Variants in TCEA2 observed in about 807,000 individuals in gnomAD.
TCEA2 encodes transcription elongation factor A2.
TCEA2 carries 21 observed loss-of-function variants against 40.8 expected under a neutral mutation model. The observed-to-expected ratio is 0.51, with a 90% CI of 0.36 to 0.74. The LOEUF (loss-of-function observed/expected upper bound fraction) is 0.74. Among genes scored for constraint, TCEA2 ranks in the 30% least tolerant of loss-of-function variants. The pLI, the probability that TCEA2 is intolerant of heterozygous loss-of-function variation, is 0.00. For missense variants in TCEA2, 326 were observed against 426.5 expected (o/e 0.76, Z 2.08); for synonymous variants, 165 against 162.7 (o/e 1.01, Z -0.11).
intron 4 of TCEA2, among the ~76,000 whole-genome samples, chr20:64,068,620 G>A (rs554419515): frequency 6.6e-6 from 1 of 152,376 alleles, no homozygotes; most frequent in South Asian, 2.1e-4. Context: ...CTGGGAGCTG[G>A]GGGTGCTTAT....
At position 64,063,287 on chromosome 20, in the gene TCEA2, G is replaced by C; in HGVS notation, c.-26G>C. ...CCGGCTGCGGAGGCGGGCGCGACGGGCGCGGGGGTCGCTGCTCCTGAGGCG... is the reference window on the plus strand; with the variant it reads ...CCGGCTGCGGAGGCGGGCGCGACGGCCGCGGGGGTCGCTGCTCCTGAGGCG... On this transcript the variant is annotated 5_prime_UTR_variant, in exon 1 of 10. Transcript: ENST00000343484. The C allele has an allele frequency of 6.6e-7, 1 of 1,516,898 alleles. No individual in the cohort carries two copies. The highest frequency in any genetic ancestry group is 2.1e-5 in the Admixed American group (1 of 48,490). 94.0% of individuals were successfully genotyped at this position (1,516,898 alleles called of 1,614,324 possible).
chr20:64,070,935 G>A (rs1425885982), intron 8 of TCEA2, among the ~76,000 whole-genome samples: 2 of 152,152 alleles, frequency 1.3e-5, no homozygotes, highest in African/African-American at 4.8e-5. Flanking sequence ...TGATGTTGGT[G>A]GGAGGGCCGT....
At chr20:64,062,160 T>A (rs2059579572), upstream of TCEA2, among the ~76,000 whole-genome samples, 2 of 152,328 alleles carry the variant, frequency 1.3e-5, no homozygotes, top group South Asian at 2.1e-4. Flanking sequence ...GGCCTCATAG[T>A]TCGTTGGCCT....
chr20:64,069,083 A>C (rs533980789), intron 4 of TCEA2, among the ~76,000 whole-genome samples: 1 of 152,270 alleles, frequency 6.6e-6, no homozygotes, highest in African/African-American at 2.4e-5. Flanking sequence ...CCAGATGCTG[A>C]CTGCTGGGTC....
At chr20:64,059,290 G>A (rs1345329812), upstream of TCEA2, among the ~76,000 whole-genome samples, 1 of 151,192 alleles carries the variant, frequency 6.6e-6, no homozygotes, top group Non-Finnish European at 1.5e-5. Flanking sequence ...CCCCTGGATT[G>A]TTGAGACGCC....
At chr20:64,064,838 A>G (rs938706634) in intron 1 of TCEA2, among the ~76,000 whole-genome samples, 36 of 152,088 alleles carry the variant, frequency 2.4e-4, no homozygotes, top group Non-Finnish European at 4.9e-4. Context: ...CGAACCATTC[A>G]TAGCTGTTTC....
chr20:64,071,008 G>A (rs546966285), intron 8 of TCEA2, among the ~76,000 whole-genome samples: 62 of 152,366 alleles, frequency 4.1e-4, no homozygotes, highest in African/African-American at 1.4e-3. Context: ...TGGACACTGA[G>A]TGTGCTGGGG....
At position 64,070,256 on chromosome 20, in the gene TCEA2, G is replaced by A; in HGVS notation, c.518-4G>A. On this transcript the variant is annotated splice_region_variant and splice_polypyrimidine_tract_variant and intron_variant, in intron 6 of 9. Coordinates refer to ENST00000343484, the MANE Select transcript of TCEA2 (RefSeq NM_003195.6). ...CCTCAGGTGGGTCCTTAAAACACTT[G>A]CACGCATCTTCCGGGACGTTGGAAA... The A allele has an allele frequency of 6.2e-7, 1 of 1,614,092 alleles. No individual in the cohort carries two copies. Among genetic ancestry groups the A allele is most frequent in the Non-Finnish European group, 8.5e-7 (1 of 1,179,974 alleles).
chr20:64,059,653 T>C (rs1300983959), upstream of TCEA2, among the ~76,000 whole-genome samples: 1 of 151,996 alleles, frequency 6.6e-6, no homozygotes, highest in Non-Finnish European at 1.5e-5. Flanking sequence ...CAGCCCCTGG[T>C]GGGGGCGGGG....
At chr20:64,066,711 G>A (rs573401832) in intron 2 of TCEA2, among the ~76,000 whole-genome samples, 173 bp downstream of exon 2, 30 of 152,354 alleles carry the variant, frequency 2.0e-4, no homozygotes, top group African/African-American at 6.7e-4. Flanking sequence ...GTGGGACAGG[G>A]AGGGGAGTCT....
chr20:64,072,000 C>T, intron 9 of TCEA2, 59 bp downstream of exon 9: 1 of 1,609,640 alleles, frequency 6.2e-7, no homozygotes, highest in East Asian at 2.2e-5. Flanking sequence ...TGGGGTGTCT[C>T]AGCCTCTGTG....
At chr20:64,065,175 A>AC (rs2059660240) in intron 1 of TCEA2, among the ~76,000 whole-genome samples, 1 of 152,122 alleles carries the variant, frequency 6.6e-6, no homozygotes, top group African/African-American at 2.4e-5. Context: ...ACTGAGAGCC[A>AC]CGTAAGCAGG....
chr20:64,072,184 C>A lies in TCEA2; in HGVS notation c.*4C>A. 1 of 1,613,658 alleles carries A rather than the reference C, an allele frequency of 6.2e-7. No individual in the cohort carries two copies. Among genetic ancestry groups the A allele is most frequent in the Non-Finnish European group, 8.5e-7 (1 of 1,179,782 alleles). On this transcript the variant is annotated 3_prime_UTR_variant, in exon 10 of 10. Transcript: ENST00000343484. ...CCCTTTCTCGCAGTTCTGCTGACCC[C>A]TCGTGTAGATGTGCTGCAGCCTTGG...
chr20:64,067,368 C>T (rs930176015), intron 3 of TCEA2, among the ~76,000 whole-genome samples: 2 of 152,160 alleles, frequency 1.3e-5, no homozygotes, highest in African/African-American at 4.8e-5. Context: ...AAGGTCATGG[C>T]CAGGAGGCTG....
chr20:64,064,033 A>C (rs981310335), intron 1 of TCEA2: 1 of 152,386 alleles, frequency 6.6e-6, no homozygotes, highest in African/African-American at 2.4e-5. Context: ...GGCCAGCCAG[A>C]TACCTGTCTT....
chr20:64,069,068 G>T (rs2059763089), intron 4 of TCEA2, among the ~76,000 whole-genome samples: 1 of 152,254 alleles, frequency 6.6e-6, no homozygotes. Context: ...GACTGGTAAT[G>T]CTGCCCAGAT....
intron 8 of TCEA2, 64 bp from the exon 9 acceptor site, chr20:64,071,806 T>A: frequency 1.3e-6 from 2 of 1,591,982 alleles, no homozygotes; most frequent in Non-Finnish European, 1.7e-6. Flanking sequence ...CTGCCCATGT[T>A]GAGGGGATGC....
Position 64,069,213 on chromosome 20 carries a change from C to T in TCEA2, c.330-148C>T. The T allele has an allele frequency of 4.7e-6, 6 of 1,265,178 alleles. 1 individual carries two copies. The highest frequency in any genetic ancestry group is 5.3e-6 in the Non-Finnish European group (5 of 939,976). The allele number at this position is 1,265,178 out of a possible 1,614,324, so 78.4% of individuals were successfully genotyped here. The stretch of plus-strand genomic sequence containing the variant: ...TGGGCTGGACTCAAGATAGGCAGGG[C>T]CACAGGCCACTGTTGGACTCTGGCA... On this transcript the variant is annotated intron_variant, in intron 4 of 9. Coordinates refer to ENST00000343484, the MANE Select transcript of TCEA2 (RefSeq NM_003195.6).
chr20:64,057,584 G>A (rs1008941000), exon 1 of TCEA2: 39 of 152,390 alleles, frequency 2.6e-4, no homozygotes, highest in African/African-American at 7.0e-4. Context: ...CAAATTCTGA[G>A]GGCCCGGGAG....
Sources: allele counts gnomAD v4.1 joint callset (sites outside exome capture counted in the v4.1 genomes callset), GRCh38; gene constraint gnomAD v4.1.1; transcripts MANE v1.5; gene names NCBI Gene and HGNC (gene_info 2026-07-23, HGNC 2026-07-21).